Variants in TBL1XR1 observed in about 807,000 individuals in gnomAD.
The protein encoded by TBL1XR1 is TBL1X/Y related 1.
TBL1XR1 carries 5 observed loss-of-function variants against 66.9 expected under a neutral mutation model. The observed-to-expected ratio is 0.07, with a 90% CI of 0.04 to 0.16. TBL1XR1 has a LOEUF of 0.16. TBL1XR1 is among the 10% of genes least tolerant of loss of function. The pLI, the probability that TBL1XR1 is intolerant of heterozygous loss-of-function variation, is 1.00. For synonymous variants in TBL1XR1, 210 were observed against 206.0 expected (o/e 1.02, Z -0.17); for missense variants, 238 against 623.2 (o/e 0.38, Z 6.58).
chr3:177,118,976 G>GT (rs1726653053), intron 1 of TBL1XR1, among the ~76,000 whole-genome samples: 1 of 151,936 alleles, frequency 6.6e-6, no homozygotes, highest in South Asian at 2.1e-4. Flanking sequence ...GGTTTTTTTT[G>GT]TTTTTTGTTT....
chr3:177,103,690 T>G (rs529635732), intron 1 of TBL1XR1, among the ~76,000 whole-genome samples: 45 of 152,284 alleles, frequency 3.0e-4, no homozygotes, highest in African/African-American at 1.0e-3. Context: ...TAGACAAAGG[T>G]ACAAACACAA....
intron 1 of TBL1XR1, among the ~76,000 whole-genome samples, chr3:177,180,674 A>C (rs1217590591): frequency 6.6e-6 from 1 of 152,138 alleles, no homozygotes; most frequent in Non-Finnish European, 1.5e-5. Context: ...TAACAGAATC[A>C]AATCTACCAA....
intron 3 of TBL1XR1, among the ~76,000 whole-genome samples, chr3:177,056,296 T>A (rs762702654): frequency 7.2e-5 from 11 of 152,250 alleles, no homozygotes; most frequent in Non-Finnish European, 1.2e-4. Context: ...AATTAGCTTA[T>A]AGAGTTTAAG....
chr3:177,030,462 T>A (rs765821828), intron 14 of TBL1XR1, among the ~76,000 whole-genome samples: 3 of 152,032 alleles, frequency 2.0e-5, no homozygotes, highest in African/African-American at 4.8e-5. Flanking sequence ...AATTACAATT[T>A]TACCACAGAA....
At chr3:177,077,743 A>G (rs1390523074) in intron 2 of TBL1XR1, among the ~76,000 whole-genome samples, 1 of 152,144 alleles carries the variant, frequency 6.6e-6, no homozygotes, top group South Asian at 2.1e-4. Context: ...AAATTTGTCT[A>G]TTCTTCTTCA....
At chr3:177,191,625 C>T (rs1736152244) in intron 1 of TBL1XR1, among the ~76,000 whole-genome samples, 1 of 152,136 alleles carries the variant, frequency 6.6e-6, no homozygotes, top group African/African-American at 2.4e-5. Flanking sequence ...TAAGATAAGG[C>T]TCATAGAGGA....
At position 177,022,065 on chromosome 3, in the gene TBL1XR1, CAGAT is replaced by C. The variant is rs1378675379; in HGVS notation, c.*3429_*3432del. ...TCTTAACAAAATCATTCTACATAAA[CAGAT>C]AGCTCCTTAAAAATAGTACTCTCTC... On this transcript the variant is annotated 3_prime_UTR_variant, in exon 16 of 16. Transcript: ENST00000457928. 3.3e-5 allele frequency: 5 copies of C among 152,588 alleles called. No individual in the cohort carries two copies. In the East Asian group the frequency reaches 7.7e-4, roughly 24 times the overall value. 9.5% of individuals were successfully genotyped at this position (152,588 alleles called of 1,614,324 possible).
At position 177,127,362 on chromosome 3, in the gene TBL1XR1, T is replaced by C. The variant is rs1170491674; in HGVS notation, c.-121-28821A>G. ...AAAAATTCTTCTACGATATAACTCC[T>C]TCTACTATCCTTTCATCTGTCTGCC... is the stretch of plus-strand genomic sequence containing the variant. On this transcript the variant is annotated intron_variant, in intron 1 of 15. Coordinates refer to ENST00000457928, the MANE Select transcript of TBL1XR1 (RefSeq NM_024665.7). Among the ~76,000 whole-genome samples, 6 of 152,224 alleles carry C rather than the reference T, an allele frequency of 3.9e-5. No individual in the cohort carries two copies. The East Asian group carries it at 1.2e-3, about 29-fold the overall frequency.
intron 1 of TBL1XR1, among the ~76,000 whole-genome samples, chr3:177,144,355 A>C (rs1165671901): frequency 6.6e-6 from 1 of 152,238 alleles, no homozygotes; most frequent in African/African-American, 2.4e-5. Flanking sequence ...TCTCCATCTT[A>C]AGCCAAGGTT....
chr3:177,150,590 G>GTT (rs779598943), intron 1 of TBL1XR1, among the ~76,000 whole-genome samples: 3 of 152,148 alleles, frequency 2.0e-5, no homozygotes, highest in Admixed American at 6.5e-5. Flanking sequence ...TTCAGGTACT[G>GTT]TTTTTCCATG....
chr3:177,099,002 G>A (rs978595163), intron 1 of TBL1XR1, among the ~76,000 whole-genome samples: 4 of 152,088 alleles, frequency 2.6e-5, no homozygotes, highest in Admixed American at 2.6e-4. Context: ...ACTTTATAGG[G>A]CTTATCCAGT....
chr3:177,156,518 TACACACAC>T (rs35566193), intron 1 of TBL1XR1, among the ~76,000 whole-genome samples: 20,136 of 139,662 alleles, frequency 0.14, 1,765 homozygotes, highest in Admixed American at 0.23. Context: ...TATATATACA[TACACACAC>T]ACACACACAC....
chr3:177,196,733 C>T (rs962327198), intron 1 of TBL1XR1, among the ~76,000 whole-genome samples: 3 of 97,968 alleles, frequency 3.1e-5, no homozygotes, highest in African/African-American at 1.0e-4. Flanking sequence ...TTCCTGAAAG[C>T]CTCCCCCCCC....
intron 1 of TBL1XR1, among the ~76,000 whole-genome samples, chr3:177,183,412 G>C (rs1735054289): frequency 6.6e-6 from 1 of 152,162 alleles, no homozygotes; most frequent in Non-Finnish European, 1.5e-5. Flanking sequence ...GTTAACGTTT[G>C]TGTAAAATTT....
intron 2 of TBL1XR1, among the ~76,000 whole-genome samples, chr3:177,096,479 A>C (rs1038639375): frequency 2.6e-5 from 4 of 152,188 alleles, no homozygotes; most frequent in African/African-American, 7.2e-5. Context: ...CTATATGAGT[A>C]ACACATAAAA....
At chr3:177,060,055 C>T (rs1718313685) in intron 3 of TBL1XR1, among the ~76,000 whole-genome samples, 1 of 152,168 alleles carries the variant, frequency 6.6e-6, no homozygotes, top group Admixed American at 6.5e-5. Context: ...TGGAAAGCTG[C>T]ACTGTTGGCT....
intron 1 of TBL1XR1, among the ~76,000 whole-genome samples, chr3:177,186,462 G>A (rs1371744760): frequency 6.6e-6 from 1 of 152,100 alleles, no homozygotes; most frequent in African/African-American, 2.4e-5. Context: ...GAAACCCAAA[G>A]TAGATGAGTC....
At chr3:177,175,561 G>A (rs904864937) in intron 1 of TBL1XR1, among the ~76,000 whole-genome samples, 1 of 152,126 alleles carries the variant, frequency 6.6e-6, no homozygotes, top group Admixed American at 6.5e-5. Context: ...TGTAATTTGG[G>A]TGAACACACT....
chr3:177,095,496 T>TAC, intron 2 of TBL1XR1, among the ~76,000 whole-genome samples: 1 of 106,640 alleles, frequency 9.4e-6, no homozygotes, highest in East Asian at 2.4e-4. Context: ...TGCAATTAGA[T>TAC]TTTTTTTTTT....
Sources: gnomAD v4.1 joint callset for allele counts (sites outside exome capture counted in the v4.1 genomes callset) on GRCh38, gnomAD v4.1.1 for gene constraint, MANE v1.5 for transcripts, NCBI Gene and HGNC (gene_info 2026-07-23, HGNC 2026-07-21) for gene names.